The following ANKFY1 variants were observed in gnomAD, a reference collection of about 807,000 sequenced individuals.
The protein encoded by ANKFY1 is ankyrin repeat and FYVE domain containing 1, also known as ankyrin repeat and FYVE domain-containing protein 1.
In ANKFY1, 47 loss-of-function variants were observed where a neutral mutation model predicts 128.3. That is an observed-to-expected ratio of 0.37 (90% confidence interval 0.29 to 0.47). ANKFY1 has a LOEUF of 0.47. ANKFY1 is among the 20% of genes least tolerant of loss of function. ANKFY1 has a pLI of 1.00. For missense variants in ANKFY1, 1,222 were observed against 1,510.6 expected (o/e 0.81, Z 3.17); for synonymous variants, 553 against 601.6 (o/e 0.92, Z 1.18).
intron 16 of ANKFY1, chr17:4,180,523 G>A (rs1652526288): frequency 6.6e-6 from 1 of 152,258 alleles, no homozygotes; most frequent in African/African-American, 2.4e-5. Flanking sequence ...CAACACTTTG[G>A]GAGGCTGAGG....
At chr17:4,254,074 G>C (rs1967984818) in intron 1 of ANKFY1, among the ~76,000 whole-genome samples, 1 of 152,094 alleles carries the variant, frequency 6.6e-6, no homozygotes, top group East Asian at 1.9e-4. Context: ...GAGAAGCCAA[G>C]GTAGGCAGAT....
intron 10 of ANKFY1, among the ~76,000 whole-genome samples, chr17:4,193,359 A>C (rs2059751787): frequency 6.6e-6 from 1 of 151,354 alleles, no homozygotes; most frequent in Non-Finnish European, 1.5e-5. Flanking sequence ...GGCCTCAAGC[A>C]ATCCTCCCAC....
At chr17:4,212,006 G>A (rs2060142167) in intron 4 of ANKFY1, among the ~76,000 whole-genome samples, 1 of 152,196 alleles carries the variant, frequency 6.6e-6, no homozygotes, top group Admixed American at 6.5e-5. Context: ...CCACATTGTA[G>A]TCTGGAAGAT....
intron 13 of ANKFY1, 57 bp downstream of exon 13, chr17:4,183,755 G>T: frequency 6.5e-7 from 1 of 1,535,652 alleles, no homozygotes. Context: ...GTCCCACCCG[G>T]CCCCACTTCG....
At chr17:4,258,043 T>G (rs904831974) in intron 1 of ANKFY1, among the ~76,000 whole-genome samples, 7 of 152,196 alleles carry the variant, frequency 4.6e-5, no homozygotes, top group Non-Finnish European at 1.0e-4. Flanking sequence ...TGGATAAATT[T>G]TATTTCTCAG....
At chr17:4,262,801 T>C (rs778234644) in intron 1 of ANKFY1, among the ~76,000 whole-genome samples, 4 of 152,170 alleles carry the variant, frequency 2.6e-5, no homozygotes, top group Non-Finnish European at 5.9e-5. Flanking sequence ...CAGCTATCTC[T>C]GTAACTTTGC....
chr17:4,253,818 A>G (rs1482295747), intron 1 of ANKFY1, among the ~76,000 whole-genome samples: 3 of 152,190 alleles, frequency 2.0e-5, no homozygotes, highest in Non-Finnish European at 2.9e-5. Context: ...AATTTCAGAC[A>G]TCTTCTGACT....
At chr17:4,190,432 C>T (rs2059697478) in intron 10 of ANKFY1, among the ~76,000 whole-genome samples, 1 of 151,552 alleles carries the variant, frequency 6.6e-6, no homozygotes, top group Non-Finnish European at 1.5e-5. Flanking sequence ...CAGAACAAGA[C>T]TCTGTCTCAA....
chr17:4,179,141 A>T, intron 17 of ANKFY1, 84 bp from the exon 18 acceptor site: 1 of 1,448,316 alleles, frequency 6.9e-7, no homozygotes, highest in South Asian at 1.2e-5. Flanking sequence ...TTTAAATCAA[A>T]TTTCAGTTAT....
intron 3 of ANKFY1, among the ~76,000 whole-genome samples, chr17:4,234,587 C>T (rs1306482113): frequency 6.6e-6 from 1 of 151,656 alleles, no homozygotes; most frequent in Non-Finnish European, 1.5e-5. Flanking sequence ...CATCATAGCT[C>T]ACTGTGGCCT....
intron 8 of ANKFY1, among the ~76,000 whole-genome samples, chr17:4,197,159 G>T (rs1003314154): frequency 6.6e-6 from 1 of 152,070 alleles, no homozygotes; most frequent in East Asian, 1.9e-4. Flanking sequence ...AAACCTCGAA[G>T]ACTTCAGTTA....
In ANKFY1 at chr17:4,181,133, T is replaced by C; in HGVS notation, c.2240+121A>G. The C allele has an allele frequency of 1.3e-6, 1 of 785,104 alleles. No homozygotes were observed. Among genetic ancestry groups the C allele is most frequent in the South Asian group, 1.7e-5 (1 of 59,490 alleles). 48.6% of individuals were successfully genotyped at this position (785,104 alleles called of 1,614,324 possible). The stretch of plus-strand genomic sequence containing the variant: ...CAGAACAGTGACTCTCTGATAACCT[T>C]AACTGTGAAAGTCAAGCCGGCTACT... On this transcript the variant is annotated intron_variant, in intron 16 of 24. Transcript: ENST00000341657. This position sits in a 1 kb window ranked among gnomAD's most constrained non-coding sequence, Gnocchi z 4.9.
intron 3 of ANKFY1, among the ~76,000 whole-genome samples, chr17:4,217,874 C>T (rs1009598253): frequency 2.0e-5 from 3 of 151,918 alleles, no homozygotes; most frequent in Admixed American, 6.6e-5. Context: ...TTTGCAGAGA[C>T]GGTTTCACCA....
chr17:4,262,409 G>A (rs1968468689), intron 1 of ANKFY1, among the ~76,000 whole-genome samples: 1 of 152,088 alleles, frequency 6.6e-6, no homozygotes, highest in Admixed American at 6.5e-5. Flanking sequence ...TTACAGACAC[G>A]TGCCACCACA....
chr17:4,209,309 G>A lies in ANKFY1; in HGVS notation c.582+515C>T, dbSNP rs191123784. Reference sequence around the variant, plus strand: ...TTTCTGGACCTCAGCTATCTTTTTTGGGGGGGCGGGAGACGGAGTCTCGCT... The same window carrying A: ...TTTCTGGACCTCAGCTATCTTTTTTAGGGGGGCGGGAGACGGAGTCTCGCT... On this transcript the variant is annotated intron_variant, in intron 5 of 24. Coordinates refer to ENST00000341657, the MANE Select transcript of ANKFY1 (RefSeq NM_001330063.2). 5.9e-5 allele frequency among the ~76,000 whole-genome samples: 9 copies of A among 151,892 alleles called. No homozygotes were observed. In the East Asian group the frequency reaches 1.7e-3, roughly 29 times the overall value.
At position 4,170,811 on chromosome 17, in the gene ANKFY1, C is replaced by T. The variant is rs759455991; in HGVS notation, c.3190G>A (p.Val1064Ile). 48 of 1,614,130 alleles carry T rather than the reference C, an allele frequency of 3.0e-5. No individual in the cohort carries two copies. The highest frequency in any genetic ancestry group is 4.5e-5 in the East Asian group (2 of 44,884). The change falls in exon 23 of 25, where the codon GTC (valine) becomes ATC (isoleucine). Residue 1064 changes from valine to isoleucine, a missense_variant. Transcript: ENST00000341657. ...KGNANLCRAI[V>I]RSGARLGVNN... is the part of the protein sequence containing the mutation. ...ACCCCGAGGCGAGCCCCCGACCGGA[C>T]GATGGCGCGGCACAAGTTGGCGTTC...
Position 4,181,331 on chromosome 17 carries a change from A to G in ANKFY1, c.2163T>C (p.Pro721=), listed in dbSNP as rs1018289329. 5 of 1,614,096 alleles carry G rather than the reference A, an allele frequency of 3.1e-6. No homozygotes were observed. The East Asian group carries it at 1.1e-4, about 36-fold the overall frequency. ...GCAGGAGCGTCTGAAGGCACCCACC[A>G]GGTCCCGGACCCCAGCATGTGGCAT... ...GCDATCWGPG[P]GGCLQTLLHR... is the part of the protein sequence containing the mutation. The change falls in exon 16 of 25, where the codon CCT becomes CCC. Residue 721 remains proline, a synonymous_variant. Transcript: ENST00000341657. This position sits in a 1 kb window ranked among gnomAD's most constrained non-coding sequence, Gnocchi z 4.9.
intron 11 of ANKFY1, chr17:4,186,658 C>T: frequency 8.1e-6 from 2 of 247,964 alleles, no homozygotes; most frequent in Non-Finnish European, 1.3e-5. Context: ...ACTGTAATTG[C>T]AGTGTGAGCC....
At chr17:4,202,237 A>G (rs970286052) in intron 7 of ANKFY1, among the ~76,000 whole-genome samples, 3 of 151,342 alleles carry the variant, frequency 2.0e-5, no homozygotes, top group African/African-American at 7.3e-5. Flanking sequence ...CCCAATCGCT[A>G]CAAAAATAGA....
Sources: gnomAD v4.1 joint callset for allele counts (sites outside exome capture counted in the v4.1 genomes callset) on GRCh38, gnomAD v4.1.1 for gene constraint, Gnocchi (gnomAD v3.1) non-coding constraint, MANE v1.5 for transcripts, NCBI Gene and HGNC (gene_info 2026-07-23, HGNC 2026-07-21) for gene names.